Variants in CLASP1 observed in about 807,000 individuals in gnomAD.
CLASP1 encodes cytoplasmic linker associated protein 1, also known as CLIP-associating protein 1.
CLASP1 carries 38 observed loss-of-function variants against 192.3 expected under a neutral mutation model. The observed-to-expected ratio is 0.20, with a 90% CI of 0.15 to 0.26. The LOEUF is 0.26. Ranked by LOEUF, CLASP1 falls within the 10% of genes least tolerant of loss-of-function variation. The pLI is 1.00. For missense variants in CLASP1, 1,433 were observed against 1,932.5 expected, an observed-to-expected ratio of 0.74 and a Z score of 4.85; for synonymous variants, 691 against 712.8, an observed-to-expected ratio of 0.97 and a Z score of 0.49.
intron 37 of CLASP1, among the ~76,000 whole-genome samples, chr2:121,356,316 TCCACCAGTAGACTGGGGAAAAACGA>T (rs1352544562): frequency 2.2e-4 from 34 of 152,340 alleles, no homozygotes; most frequent in African/African-American, 7.9e-4. Context: ...AGTTTAAGTA[TCCACCAGTAGACTGGGGAAAAACGA>T]CCAATGCCCC....
chr2:121,541,235 C>T (rs1398806952), intron 2 of CLASP1, among the ~76,000 whole-genome samples: 1 of 152,162 alleles, frequency 6.6e-6, no homozygotes, highest in African/African-American at 2.4e-5. Context: ...AAGGGACAAA[C>T]TAGGTGGTAA....
intron 21 of CLASP1, 31 bp from the exon 22 acceptor site, chr2:121,425,337 T>C (rs1437919965): frequency 5.0e-6 from 8 of 1,597,456 alleles, no homozygotes; most frequent in African/African-American, 1.3e-5. Context: ...CAATGAATAA[T>C]AGATGTAAAT....
chr2:121,603,301 T>A (rs2064015150), intron 2 of CLASP1: 1 of 151,836 alleles, frequency 6.6e-6, no homozygotes, highest in Non-Finnish European at 1.5e-5. Context: ...GACATACCAA[T>A]GGCCAACAAA....
chr2:121,412,272 A>G lies in CLASP1; in HGVS notation c.2321-1303T>C, dbSNP rs1465641377. On this transcript the variant is annotated intron_variant, in intron 23 of 39. Transcript: ENST00000263710. ...TTTTTTAAAAAGAAACAAAAACTGT[A>G]TGTTATACTATCCCCTTTTTTAATG... 5.9e-5 allele frequency among the ~76,000 whole-genome samples: 9 copies of G among 152,318 alleles called. No homozygotes were observed. The South Asian group carries it at 1.2e-3, about 21-fold the overall frequency.
intron 8 of CLASP1, among the ~76,000 whole-genome samples, chr2:121,483,546 A>ATG (rs200749088): frequency 1.3e-5 from 2 of 151,246 alleles, no homozygotes; most frequent in Middle Eastern, 6.9e-3. Flanking sequence ...GTATGTATAT[A>ATG]TGTGTGTGTA....
At chr2:121,457,172 C>A (rs148771042) in intron 14 of CLASP1, among the ~76,000 whole-genome samples, 1 of 152,268 alleles carries the variant, frequency 6.6e-6, no homozygotes, top group East Asian at 1.9e-4. Flanking sequence ...CTGGGTATAT[C>A]TCCCACAACT....
At chr2:121,505,353 T>C (rs1180977841) in intron 7 of CLASP1, 2 of 152,230 alleles carry the variant, frequency 1.3e-5, no homozygotes, top group African/African-American at 2.4e-5. Context: ...CAACTAGGTA[T>C]GAGAACACTA....
chr2:121,602,330 A>G (rs1397186771), intron 2 of CLASP1, among the ~76,000 whole-genome samples: 1 of 152,194 alleles, frequency 6.6e-6, no homozygotes, highest in African/African-American at 2.4e-5. Flanking sequence ...ATACAAACAA[A>G]TAGAAAGACA....
At chr2:121,384,003 T>TACAC (rs200805568) in intron 32 of CLASP1, among the ~76,000 whole-genome samples, 67 of 138,214 alleles carry the variant, frequency 4.8e-4, no homozygotes, top group African/African-American at 1.6e-3. Context: ...TATATATATA[T>TACAC]ATATACACAC....
intron 39 of CLASP1, among the ~76,000 whole-genome samples, chr2:121,343,413 G>C (rs1337828008): frequency 6.6e-6 from 1 of 152,148 alleles, no homozygotes; most frequent in Non-Finnish European, 1.5e-5. Flanking sequence ...GAAGGTGGAA[G>C]CAACCCAGGG....
At chr2:121,476,592 C>G (rs1377278415) in intron 8 of CLASP1, among the ~76,000 whole-genome samples, 3 of 152,298 alleles carry the variant, frequency 2.0e-5, no homozygotes, top group East Asian at 3.9e-4. Flanking sequence ...CCAGGAAAGC[C>G]AGAACCTAAA....
intron 33 of CLASP1, among the ~76,000 whole-genome samples, chr2:121,378,527 A>G (rs2070818989): frequency 6.6e-6 from 1 of 152,162 alleles, no homozygotes; most frequent in Non-Finnish European, 1.5e-5. Context: ...GCACTGAAAC[A>G]GGGAGAATCC....
intron 2 of CLASP1, among the ~76,000 whole-genome samples, chr2:121,557,421 T>TAAAGAAA (rs1553629760): frequency 6.7e-6 from 1 of 149,748 alleles, no homozygotes. Flanking sequence ...CCATCTCTAC[T>TAAAGAAA]AAAAATACAA....
chr2:121,341,924 T>A (rs1021735135), intron 39 of CLASP1, among the ~76,000 whole-genome samples: 22 of 152,278 alleles, frequency 1.4e-4, no homozygotes, highest in Admixed American at 7.8e-4. Context: ...AGACCATATG[T>A]TCAATCACAA....
chr2:121,491,834 A>G (rs1215725599), intron 8 of CLASP1, among the ~76,000 whole-genome samples: 2 of 152,220 alleles, frequency 1.3e-5, no homozygotes, highest in East Asian at 3.8e-4. Flanking sequence ...TTTAGTCACA[A>G]TTCGATTACG....
chr2:121,603,451 A>G (rs866228572), intron 2 of CLASP1, among the ~76,000 whole-genome samples: 1 of 152,204 alleles, frequency 6.6e-6, no homozygotes, highest in Admixed American at 6.5e-5. Context: ...TGTAGCAGAG[A>G]AAAGGGAACT....
chr2:121,533,027 C>A lies in CLASP1; in HGVS notation c.196-2702G>T, dbSNP rs559677965. On this transcript the variant is annotated intron_variant, in intron 2 of 39. Transcript: ENST00000263710. The stretch of plus-strand genomic sequence containing the variant: ...ACATCCCTTCATACATCGTTCAAGG[C>A]TAAGGTAAAGAGGACTATTGTTTAT... 9.2e-5 allele frequency among the ~76,000 whole-genome samples: 14 copies of A among 152,224 alleles called. 1 individual carries two copies. Among genetic ancestry groups the A allele is most frequent in the African/African-American group, 3.1e-4 (13 of 41,548 alleles).
At chr2:121,571,323 G>A (rs1163310303) in intron 2 of CLASP1, among the ~76,000 whole-genome samples, 3 of 152,036 alleles carry the variant, frequency 2.0e-5, no homozygotes, top group Non-Finnish European at 4.4e-5. Flanking sequence ...TTGTAGGTGT[G>A]TGCCACCATG....
chr2:121,463,654 C>T (rs890641421), intron 9 of CLASP1, among the ~76,000 whole-genome samples: 5 of 152,094 alleles, frequency 3.3e-5, no homozygotes, highest in Admixed American at 3.3e-4. Context: ...TGAGCCTAAG[C>T]TATCTGATGA....
Sources: gnomAD v4.1 joint callset for allele counts (sites outside exome capture counted in the v4.1 genomes callset) on GRCh38, gnomAD v4.1.1 for gene constraint, MANE v1.5 for transcripts, NCBI Gene and HGNC (gene_info 2026-07-23, HGNC 2026-07-21) for gene names.